Variants in TMCC3 observed in about 807,000 individuals in gnomAD.
TMCC3 encodes transmembrane and coiled-coil domain protein 3.
Under a neutral mutation model 40.2 loss-of-function variants are expected in TMCC3, and 28 were observed. The observed-to-expected ratio is 0.70, with a 90% CI of 0.52 to 0.95. TMCC3 has a LOEUF of 0.95. Ranked by LOEUF, TMCC3 falls within the 40% of genes least tolerant of loss-of-function variation. TMCC3 has a pLI of 0.00. For synonymous variants in TMCC3, 255 were observed against 248.5 expected (o/e 1.03, Z -0.25); for missense variants, 554 against 615.2 (o/e 0.90, Z 1.05).
intron 3 of TMCC3, among the ~76,000 whole-genome samples, chr12:94,576,440 C>T (rs1053275260): frequency 6.6e-6 from 1 of 152,124 alleles, no homozygotes; most frequent in Admixed American, 6.5e-5. Flanking sequence ...GACTACTGTC[C>T]ACAGAGAAAA....
chr12:94,596,558 A>T (rs67970379), intron 1 of TMCC3, among the ~76,000 whole-genome samples: 45,251 of 151,898 alleles, frequency 0.3, 7,052 homozygotes, highest in African/African-American at 0.36. Flanking sequence ...CCCCATTTGC[A>T]CTGACTCCTC....
chr12:94,606,618 G>A (rs555151362), intron 1 of TMCC3, among the ~76,000 whole-genome samples: 16 of 152,130 alleles, frequency 1.1e-4, no homozygotes, highest in African/African-American at 2.4e-4. Context: ...AGTGTCAGCC[G>A]GTCTGAGAAA....
chr12:94,586,020 T>G (rs898907891), intron 1 of TMCC3, among the ~76,000 whole-genome samples: 2 of 152,216 alleles, frequency 1.3e-5, no homozygotes, highest in African/African-American at 4.8e-5. Context: ...TTAAGACACC[T>G]TTCCATTGAG....
chr12:94,628,642 C>T (rs1329163486), intron 1 of TMCC3, among the ~76,000 whole-genome samples: 1 of 152,194 alleles, frequency 6.6e-6, no homozygotes, highest in African/African-American at 2.4e-5. Context: ...AGTGCAACAG[C>T]GAGATGGACC....
intron 1 of TMCC3, among the ~76,000 whole-genome samples, chr12:94,612,531 C>T (rs1473037415): frequency 1.3e-5 from 2 of 152,096 alleles, no homozygotes; most frequent in Admixed American, 1.3e-4. Flanking sequence ...AGGCTGGTCA[C>T]GATCTCTTGA....
chr12:94,574,422 G>A (rs2068552125), intron 3 of TMCC3, among the ~76,000 whole-genome samples: 1 of 151,940 alleles, frequency 6.6e-6, no homozygotes, highest in Admixed American at 6.6e-5. Flanking sequence ...TGAGGCTTGA[G>A]AGAGAAACCT....
At chr12:94,591,034 G>C in intron 1 of TMCC3, 1 of 545,370 alleles carries the variant, frequency 1.8e-6, no homozygotes, top group South Asian at 1.4e-5. Flanking sequence ...AGAAACATAC[G>C]AAGAGATATA....
At position 94,571,365 on chromosome 12, in the gene TMCC3, T is replaced by A. The variant is rs745879338; in HGVS notation, c.*70A>T. 2.0e-6 allele frequency: 3 copies of A among 1,496,502 alleles called. No individual in the cohort carries two copies. The highest frequency in any genetic ancestry group is 2.7e-6 in the Non-Finnish European group (3 of 1,098,852). The allele number at this position is 1,496,502 out of a possible 1,614,324, so 92.7% of individuals were successfully genotyped here. On this transcript the variant is annotated 3_prime_UTR_variant, in exon 4 of 4. Transcript: ENST00000261226. ...GTCCGCACAATCATTCACTGTAAAA[T>A]TTGGTAGTATGCACAGAGTTTTCTT... is the stretch of plus-strand genomic sequence containing the variant.
chr12:94,593,484 T>A (rs2068696378), intron 1 of TMCC3, among the ~76,000 whole-genome samples: 1 of 148,574 alleles, frequency 6.7e-6, no homozygotes, highest in Admixed American at 6.8e-5. Flanking sequence ...AGAATTCTAT[T>A]TCCTGAGAGC....
At chr12:94,648,131 C>A (rs531363880) in intron 1 of TMCC3, among the ~76,000 whole-genome samples, 4 of 152,300 alleles carry the variant, frequency 2.6e-5, no homozygotes, top group African/African-American at 7.2e-5. Flanking sequence ...ATGTCTAACT[C>A]AGTTTTAATA....
At chr12:94,590,764 G>T in intron 1 of TMCC3, 1 of 416,716 alleles carries the variant, frequency 2.4e-6, no homozygotes, top group South Asian at 2.2e-5. Context: ...CGCTTCCGGA[G>T]ACTGGAGTTG....
intron 1 of TMCC3, among the ~76,000 whole-genome samples, chr12:94,583,168 A>G (rs185825187): frequency 7.4e-4 from 107 of 144,730 alleles, no homozygotes; most frequent in Non-Finnish European, 1.3e-3. Context: ...ACAACCTCAA[A>G]CCACACCACA....
In TMCC3 at chr12:94,582,116, C is replaced by G. The variant is rs544885308; in HGVS notation, c.501G>C (p.Leu167Phe). The change falls in exon 2 of 4, where the codon TTG becomes TTC. Residue 167 changes from leucine (L) to phenylalanine (F), a missense_variant. Transcript: ENST00000261226. ...TTCGAGATTTCACGTGGGCATCTTTCAAAGAGCGATGTATATCCTTCAGGT... is the reference window on the plus strand; with the variant it reads ...TTCGAGATTTCACGTGGGCATCTTTGAAAGAGCGATGTATATCCTTCAGGT... Reference protein sequence around the residue: ...KDHLKDIHRSLKDAHVKSRTA... With the variant: ...KDHLKDIHRSFKDAHVKSRTA... The G allele has an allele frequency of 6.2e-7, 1 of 1,614,190 alleles. No individual in the cohort carries two copies. The highest frequency in any genetic ancestry group is 1.7e-5 in the Admixed American group (1 of 60,026).
At chr12:94,616,108 G>A (rs2068846621) in intron 1 of TMCC3, 1 of 985,236 alleles carries the variant, frequency 1.0e-6, no homozygotes, top group Non-Finnish European at 1.2e-6. Context: ...TTGTCTCAGA[G>A]AAACTCCACG....
rs573653021 is a variant in TMCC3 at position 94,592,640 on chromosome 12, C to T, written c.79-10102G>A. On this transcript the variant is annotated intron_variant, in intron 1 of 3. Coordinates refer to ENST00000261226, the MANE Select transcript of TMCC3 (RefSeq NM_020698.4). ...CCAAGATTGCGCCACTGCATTTGAG[C>T]CTGGACAACAGGCTCCATCTCAAAA... Among the ~76,000 whole-genome samples, 22 of 46,846 alleles carry T rather than the reference C, an allele frequency of 4.7e-4. 1 individual carries two copies. In the South Asian group the frequency reaches 0.014, roughly 29 times the overall value. The allele number at this position is 46,846 out of a possible 152,430, so 30.7% of individuals were successfully genotyped here. A position where few individuals can be genotyped will look rare whatever the true frequency, so the allele number is the denominator to read the frequency against.
Position 94,582,227 on chromosome 12 carries a change from CT to C in TMCC3, c.389del (p.Gln130ArgfsTer4). 1 of 1,614,212 alleles carries C rather than the reference CT, an allele frequency of 6.2e-7. No individual in the cohort carries two copies. Among genetic ancestry groups the C allele is most frequent in the Non-Finnish European group, 8.5e-7 (1 of 1,180,042 alleles). On this transcript the variant is annotated frameshift_variant, in exon 2 of 4. Coordinates refer to ENST00000261226, the MANE Select transcript of TMCC3 (RefSeq NM_020698.4). LOFTEE classifies it high-confidence loss of function. ...TTCGATGATACTGCTCTAACTTCTTCTGCAGCTGGGCGATGGAGTGAGCTGA... is the reference window on the plus strand; with the variant it reads ...TTCGATGATACTGCTCTAACTTCTTCGCAGCTGGGCGATGGAGTGAGCTGA... ...QKSAHSIAQL[Q>X]KKLEQYHRKL...
Position 94,621,287 on chromosome 12 carries a change from G to A in TMCC3, c.78+29066C>T, listed in dbSNP as rs143133037. ...TAAGCAAACCCACCAGGCTCTCTCA[G>A]TTGACACAGCTCTTCTGGCTCCTTC... On this transcript the variant is annotated intron_variant, in intron 1 of 3. Coordinates refer to ENST00000261226, the MANE Select transcript of TMCC3 (RefSeq NM_020698.4). Among the ~76,000 whole-genome samples, 715 of 152,340 alleles carry A rather than the reference G, an allele frequency of 4.7e-3. 10 individuals are homozygous for A. Among genetic ancestry groups the A allele is most frequent in the African/African-American group, 0.016 (676 of 41,564 alleles).
chr12:94,643,598 A>T (rs1349234056), intron 1 of TMCC3, among the ~76,000 whole-genome samples: 2 of 152,260 alleles, frequency 1.3e-5, no homozygotes, highest in Admixed American at 1.3e-4. Flanking sequence ...TATCCTAGGC[A>T]TTAAAGTTCA....
chr12:94,628,331 T>C (rs1295790256), intron 1 of TMCC3, among the ~76,000 whole-genome samples: 1 of 152,056 alleles, frequency 6.6e-6, no homozygotes, highest in Non-Finnish European at 1.5e-5. Flanking sequence ...TGCTCATCAA[T>C]AAAAAACCCG....
Sources: allele counts gnomAD v4.1 joint callset (sites outside exome capture counted in the v4.1 genomes callset), GRCh38; gene constraint gnomAD v4.1.1; transcripts MANE v1.5; gene names NCBI Gene and HGNC (gene_info 2026-07-23, HGNC 2026-07-21).